FAS: variants seen among roughly 807,000 people sequenced by gnomAD.
FAS encodes the protein tumor necrosis factor receptor superfamily member 6.
In FAS, 5 loss-of-function variants were observed where a neutral mutation model predicts 33.2. That is an observed-to-expected ratio of 0.15 (90% CI 0.08 to 0.32). The LOEUF is 0.32. FAS is among the 10% of genes least tolerant of loss of function. FAS has a pLI of 1.00. For synonymous variants in FAS, 131 were observed against 130.7 expected (o/e 1.00, Z -0.01); for missense variants, 339 against 386.0 (o/e 0.88, Z 1.02).
At chr10:88,976,814 AG>A (rs1454419357) in intron 2 of FAS, among the ~76,000 whole-genome samples, 1 of 152,238 alleles carries the variant, frequency 6.6e-6, no homozygotes, top group African/African-American at 2.4e-5. Flanking sequence ...GGTGCTGGGT[AG>A]AGTTGAAGTT....
At chr10:88,990,710 T>C (rs1318126055), upstream of FAS, 3 of 778,528 alleles carry the variant, frequency 3.9e-6, no homozygotes, top group South Asian at 2.9e-5. This position sits in a 1 kb window ranked among gnomAD's most constrained non-coding sequence, Gnocchi z 4.9. Flanking sequence ...AGGGAAGCGG[T>C]TTACGAGTGA....
chr10:88,965,909 A>G (rs910428922), intron 1 of FAS, among the ~76,000 whole-genome samples: 1 of 152,280 alleles, frequency 6.6e-6, no homozygotes, highest in African/African-American at 2.4e-5. Context: ...AGGTACACCA[A>G]TGTTTTTTTC....
chr10:88,979,929 T>C (rs894387232), intron 2 of FAS, among the ~76,000 whole-genome samples: 4 of 152,052 alleles, frequency 2.6e-5, no homozygotes, highest in African/African-American at 4.8e-5. Flanking sequence ...TAATAGAAGA[T>C]ATAGTTCTTA....
intron 2 of FAS, 100 bp from the exon 3 acceptor site, chr10:89,007,600 T>C (rs1177587967): frequency 2.1e-5 from 25 of 1,173,732 alleles, no homozygotes; most frequent in Non-Finnish European, 2.8e-5. Flanking sequence ...CCTCCCCTTG[T>C]GTTTTAGAAG....
intron 1 of FAS, among the ~76,000 whole-genome samples, chr10:88,968,183 A>G (rs1335248771): frequency 6.6e-6 from 1 of 152,206 alleles, no homozygotes; most frequent in African/African-American, 2.4e-5. Context: ...ATCGCTAAAA[A>G]CTGGTAACTC....
At chr10:88,999,358 AT>A (rs1224138802) in intron 1 of FAS, among the ~76,000 whole-genome samples, 1 of 152,114 alleles carries the variant, frequency 6.6e-6, no homozygotes, top group African/African-American at 2.4e-5. Flanking sequence ...AGGGGTTAAA[AT>A]GTCCACTTTC....
At chr10:88,997,275 C>T (rs1847656617) in intron 1 of FAS, among the ~76,000 whole-genome samples, 1 of 152,180 alleles carries the variant, frequency 6.6e-6, no homozygotes. Flanking sequence ...TAATGCATCA[C>T]TACAGGATTC....
intron 1 of FAS, among the ~76,000 whole-genome samples, chr10:89,001,805 A>C (rs531994113): frequency 6.6e-6 from 1 of 152,340 alleles, no homozygotes; most frequent in South Asian, 2.1e-4. Context: ...GCAAATGCAC[A>C]GATTCTAGCT....
intron 1 of FAS, chr10:88,973,090 T>C: frequency 7.2e-7 from 1 of 1,385,284 alleles, no homozygotes; most frequent in Non-Finnish European, 9.7e-7. Context: ...AAAAAATAAT[T>C]TTAACTTCTA....
intron 1 of FAS, among the ~76,000 whole-genome samples, chr10:88,995,478 A>G (rs1008642728): frequency 6.6e-6 from 1 of 152,214 alleles, no homozygotes; most frequent in African/African-American, 2.4e-5. Context: ...GTTATATAGG[A>G]CAACTAGCCT....
intron 4 of FAS, among the ~76,000 whole-genome samples, chr10:89,009,692 A>T (rs552968802): frequency 6.6e-6 from 1 of 152,256 alleles, no homozygotes; most frequent in South Asian, 2.1e-4. Flanking sequence ...ATGATGCCTT[A>T]TGTTTTATTT....
chr10:88,971,463 T>G (rs1846445905), intron 1 of FAS, among the ~76,000 whole-genome samples: 1 of 152,226 alleles, frequency 6.6e-6, no homozygotes, highest in Admixed American at 6.5e-5. Context: ...TCTGAGTGTT[T>G]GGGTAAACAG....
chr10:88,986,869 T>G (rs757873760), upstream of FAS, among the ~76,000 whole-genome samples: 6 of 152,236 alleles, frequency 3.9e-5, no homozygotes, highest in African/African-American at 1.4e-4. Flanking sequence ...ATTTGTCTTG[T>G]GAAGTCACTT....
Position 88,979,439 on chromosome 10 carries a change from C to T in FAS, n.260+6092C>T, listed in dbSNP as rs757594025. Among the ~76,000 whole-genome samples the T allele has an allele frequency of 2.0e-4, 31 of 152,136 alleles. 1 individual carries two copies. Among genetic ancestry groups the T allele is most frequent in the South Asian group, 2.1e-4 (1 of 4,818 alleles). On this transcript the variant is annotated intron_variant and non_coding_transcript_variant, in intron 2 of 3. Transcript: ENST00000688239. ...GCATTCAGGACAGATGAGAGTCTGG[C>T]CAAATAATTGTCAGGAACCCTTAAA...
In FAS at chr10:89,007,713, T is replaced by C; in HGVS notation, c.210T>C (p.Ala70=). 1 of 1,613,858 alleles carries C rather than the reference T, an allele frequency of 6.2e-7. No individual in the cohort carries two copies. Among genetic ancestry groups the C allele is most frequent in the Non-Finnish European group, 8.5e-7 (1 of 1,179,884 alleles). ...HKPCPPGERK[A]RDCTVNGDEP... The stretch of plus-strand genomic sequence containing the variant: ...TTCCTTGGGCAGGTGAAAGGAAAGC[T>C]AGGGACTGCACAGTCAATGGGGATG... Residue 70 remains alanine, a synonymous_variant, in exon 3 of 9, where the codon GCT becomes GCC. Transcript: ENST00000652046.
At chr10:88,990,590 C>T (rs573539833), upstream of FAS, 1 of 672,064 alleles carries the variant, frequency 1.5e-6, no homozygotes, top group Non-Finnish European at 2.7e-6. This position sits in a 1 kb window ranked among gnomAD's most constrained non-coding sequence, Gnocchi z 4.9. Context: ...CCGGGCGTTC[C>T]CCAGCGAGGC....
intron 1 of FAS, among the ~76,000 whole-genome samples, chr10:88,971,617 C>A (rs150073369): frequency 6.6e-6 from 1 of 152,082 alleles, no homozygotes; most frequent in Non-Finnish European, 1.5e-5. Context: ...AGTCATAATG[C>A]CAACCACTTT....
At chr10:88,991,404 C>T in intron 1 of FAS, 1 of 268,566 alleles carries the variant, frequency 3.7e-6, no homozygotes, top group South Asian at 4.5e-5. Context: ...CTGCAGCCTT[C>T]AGAACAGATA....
intron 1 of FAS, among the ~76,000 whole-genome samples, chr10:89,001,020 C>T (rs1203347136): frequency 6.6e-6 from 1 of 152,238 alleles, no homozygotes; most frequent in African/African-American, 2.4e-5. Context: ...CCACTGTGCT[C>T]CAGCCTGGGT....
Sources: gnomAD v4.1 joint callset for allele counts (sites outside exome capture counted in the v4.1 genomes callset) on GRCh38, gnomAD v4.1.1 for gene constraint, Gnocchi (gnomAD v3.1) non-coding constraint, MANE v1.5 for transcripts, NCBI Gene and HGNC (gene_info 2026-07-23, HGNC 2026-07-21) for gene names.